Variants in MIGA2 observed in about 807,000 individuals in gnomAD.
MIGA2 encodes family with sequence similarity 73, member B.
In MIGA2, 36 loss-of-function variants were observed where a neutral mutation model predicts 69.9. That is an observed-to-expected ratio of 0.52 (90% CI 0.39 to 0.68). The LOEUF (loss-of-function observed/expected upper bound fraction) is 0.68. Ranked by LOEUF, MIGA2 falls within the 30% of genes least tolerant of loss-of-function variation. MIGA2 has a pLI of 0.00. For synonymous variants in MIGA2, 333 were observed against 349.2 expected (o/e 0.95, Z 0.52); for missense variants, 660 against 787.7 (o/e 0.84, Z 1.94).
At chr9:129,039,975 C>A (rs992035405) in intron 1 of MIGA2, 8 of 152,244 alleles carry the variant, frequency 5.3e-5, no homozygotes, top group African/African-American at 1.7e-4. Flanking sequence ...AAACTCCCGA[C>A]CTCAGGTGAT....
Position 129,063,269 on chromosome 9 carries a change from G to A in MIGA2, c.1036G>A (p.Asp346Asn). 1 of 1,614,120 alleles carries A rather than the reference G, an allele frequency of 6.2e-7. No homozygotes were observed. Among genetic ancestry groups the A allele is most frequent in the Non-Finnish European group, 8.5e-7 (1 of 1,180,018 alleles). ...LRTELLGCYS[D>N]QDFLAKLHCV... ...GACGGAGCTGCTGGGCTGCTACAGT[G>A]ACCAGGACTTTCTGGCCAAGCTGCA... Residue 346 changes from aspartate (D) to asparagine (N), a missense_variant, in exon 10 of 16, where the codon GAC (aspartate) becomes AAC (asparagine). This residue lies in a region of MIGA2 where 386 missense variants were observed against 402.0 expected (regional missense o/e 0.96). Coordinates refer to ENST00000684074, the MANE Select transcript of MIGA2 (RefSeq NM_001329990.2).
intron 1 of MIGA2, among the ~76,000 whole-genome samples, chr9:129,038,633 C>A (rs1046640688): frequency 3.9e-5 from 6 of 152,110 alleles, no homozygotes; most frequent in African/African-American, 1.4e-4. Context: ...AAGCATTGTA[C>A]TGAGCACAAA....
At position 129,067,762 on chromosome 9, in the gene MIGA2, T is replaced by G. The variant is rs1006798871; in HGVS notation, c.1171-11T>G. On this transcript the variant is annotated splice_polypyrimidine_tract_variant and intron_variant, in intron 11 of 15. Transcript: ENST00000684074. Reference sequence around the variant, plus strand: ...TCCAGTGACCAGGATGGGCCGTGCTTCTCTCCACAGAGCCCCAAAGGCTTC... The same window carrying G: ...TCCAGTGACCAGGATGGGCCGTGCTGCTCTCCACAGAGCCCCAAAGGCTTC... The G allele has an allele frequency of 1.4e-5, 22 of 1,605,870 alleles. No individual in the cohort carries two copies. Among genetic ancestry groups the G allele is most frequent in the Middle Eastern group, 1.7e-4 (1 of 6,044 alleles).
chr9:129,042,839 G>A (rs981297918), intron 3 of MIGA2, among the ~76,000 whole-genome samples: 2 of 152,190 alleles, frequency 1.3e-5, no homozygotes, highest in African/African-American at 4.8e-5. Flanking sequence ...AGGCTGAGGA[G>A]CAGGAAGAGC....
chr9:129,040,277 G>A (rs1292388451), intron 1 of MIGA2, among the ~76,000 whole-genome samples, 175 bp from the exon 2 acceptor site: 1 of 152,226 alleles, frequency 6.6e-6, no homozygotes, highest in Non-Finnish European at 1.5e-5. Flanking sequence ...GGGTCTGTGG[G>A]TGTGGGGCTG....
rs376692910 is a variant in MIGA2, at chr9:129,042,413, G to A, written c.206G>A (p.Arg69Gln). ...GCTGCCCACCAGCTGAAGAGGCGACGGAGGAGGAAGAAGCAGGTTGGTCCC... is the reference window on the plus strand; with the variant it reads ...GCTGCCCACCAGCTGAAGAGGCGACAGAGGAGGAAGAAGCAGGTTGGTCCC... ...ALAAHQLKRR[R>Q]RRKKQVGPEM... Residue 69 changes from arginine (R) to glutamine (Q), a missense_variant, in exon 3 of 16, where the codon CGG (arginine) becomes CAG (glutamine). This residue lies in a region of MIGA2 where 386 missense variants were observed against 402.0 expected (regional missense o/e 0.96). Coordinates refer to ENST00000684074, the MANE Select transcript of MIGA2 (RefSeq NM_001329990.2). 6.8e-6 allele frequency: 11 copies of A among 1,613,468 alleles called. No individual in the cohort carries two copies. Among genetic ancestry groups the A allele is most frequent in the South Asian group, 5.5e-5 (5 of 90,998 alleles).
At position 129,059,757 on chromosome 9, in the gene MIGA2, G is replaced by C. The variant is rs1484791595; in HGVS notation, c.793+486G>C. ...CAAGTTATTCTGCCAAACAGCCACT[G>C]TCCTCTTCGGACCCCTGCAGTGAAT... On this transcript the variant is annotated intron_variant, in intron 7 of 15. Transcript: ENST00000684074. The surrounding 1 kb of genome is among the most constrained non-coding windows in gnomAD (Gnocchi z 5.6). Among the ~76,000 whole-genome samples the C allele has an allele frequency of 6.6e-6, 1 of 152,180 alleles. No individual in the cohort carries two copies. Among genetic ancestry groups the C allele is most frequent in the African/African-American group, 2.4e-5 (1 of 41,450 alleles).
chr9:129,068,627 G>A lies in MIGA2; in HGVS notation c.1404+295G>A, dbSNP rs2131398311. On this transcript the variant is annotated intron_variant, in intron 13 of 15. Coordinates refer to ENST00000684074, the MANE Select transcript of MIGA2 (RefSeq NM_001329990.2). The surrounding 1 kb of genome is among the most constrained non-coding windows in gnomAD (Gnocchi z 4.1). ...ATTTTAATGCATCCTGTTAAATCAA[G>A]TTAAAAGAGGGGAAAGCAAAACCAA... is the stretch of plus-strand genomic sequence containing the variant. The A allele has an allele frequency of 4.5e-6, 2 of 443,440 alleles. No individual in the cohort carries two copies. Among genetic ancestry groups the A allele is most frequent in the South Asian group, 3.2e-5 (1 of 31,272 alleles). 27.5% of individuals were successfully genotyped at this position (443,440 alleles called of 1,614,324 possible).
chr9:129,046,001 G>A (rs143490423), intron 3 of MIGA2, among the ~76,000 whole-genome samples: 4,630 of 151,890 alleles, frequency 0.03, 208 homozygotes, highest in African/African-American at 0.1. Context: ...CTACAGGTGC[G>A]TGCCACCACG....
At position 129,068,008 on chromosome 9, in the gene MIGA2, C is replaced by G. The variant is rs1846454826; in HGVS notation, c.1269+137C>G. 1.6e-6 allele frequency: 2 copies of G among 1,279,406 alleles called. No homozygotes were observed. The highest frequency in any genetic ancestry group is 2.2e-6 in the Non-Finnish European group (2 of 906,226). The allele number at this position is 1,279,406 out of a possible 1,614,324, so 79.3% of individuals were successfully genotyped here. On this transcript the variant is annotated intron_variant, in intron 12 of 15. Coordinates refer to ENST00000684074, the MANE Select transcript of MIGA2 (RefSeq NM_001329990.2). This position sits in a 1 kb window ranked among gnomAD's most constrained non-coding sequence, Gnocchi z 4.1. The stretch of plus-strand genomic sequence containing the variant: ...CACTGCTCATAGTCCCCGGTTCCTG[C>G]CCTGCCCCAGGCCAAGGCAGAGGGA...
At chr9:129,053,523 C>T (rs751946526) in intron 6 of MIGA2, among the ~76,000 whole-genome samples, 1 of 152,006 alleles carries the variant, frequency 6.6e-6, no homozygotes, top group African/African-American at 2.4e-5. Context: ...GTCACCACGC[C>T]CGGCTAATTT....
intron 2 of MIGA2, 68 bp downstream of exon 2, chr9:129,040,758 G>A (rs1259653161): frequency 7.7e-6 from 11 of 1,433,360 alleles, no homozygotes; most frequent in South Asian, 4.9e-5. Flanking sequence ...GGGCTCCTCC[G>A]TGTCCAGGAA....
rs1168512447 is a variant in MIGA2 at position 129,048,288 on chromosome 9, G to T, written c.308-139G>T. On this transcript the variant is annotated intron_variant, in intron 3 of 15. Transcript: ENST00000684074. Reference sequence around the variant, plus strand: ...TTTCTCCTGAGTGCACGCCCTTGGGGCCCCTCTGTTCCCCTGACTTAGAAG... The same window carrying T: ...TTTCTCCTGAGTGCACGCCCTTGGGTCCCCTCTGTTCCCCTGACTTAGAAG... 10 of 736,524 alleles carry T rather than the reference G, an allele frequency of 1.4e-5. No homozygotes were observed. In the South Asian group the frequency reaches 1.6e-4, roughly 12 times the overall value. The allele number at this position is 736,524 out of a possible 1,614,324, so 45.6% of individuals were successfully genotyped here.
chr9:129,068,325 A>G lies in MIGA2; in HGVS notation c.1397A>G (p.Lys466Arg), dbSNP rs1012844301. The change falls in exon 13 of 16, where the codon AAG becomes AGG. Residue 466 changes from lysine (K) to arginine (R), a missense_variant. Coordinates refer to ENST00000684074, the MANE Select transcript of MIGA2 (RefSeq NM_001329990.2). This position sits in a 1 kb window ranked among gnomAD's most constrained non-coding sequence, Gnocchi z 4.1. ...LRNRWLSDSF[K>R]ETALATACWS... ...AACCGCTGGCTGTCAGACAGCTTCA[A>G]GGAGACGGTGGGTCACTGCCCTGCT... The G allele has an allele frequency of 2.5e-6, 4 of 1,604,724 alleles. No homozygotes were observed. The African/African-American group carries it at 4.0e-5, about 16-fold the overall frequency.
Position 129,060,139 on chromosome 9 carries a change from T to C in MIGA2, c.794-411T>C, listed in dbSNP as rs1190480586. Among the ~76,000 whole-genome samples the C allele has an allele frequency of 6.6e-6, 1 of 152,176 alleles. No homozygotes were observed. Among genetic ancestry groups the C allele is most frequent in the Non-Finnish European group, 1.5e-5 (1 of 68,028 alleles). On this transcript the variant is annotated intron_variant, in intron 7 of 15. Coordinates refer to ENST00000684074, the MANE Select transcript of MIGA2 (RefSeq NM_001329990.2). This position sits in a 1 kb window ranked among gnomAD's most constrained non-coding sequence, Gnocchi z 4.8. ...TCCAGGTTAGTGGCTGTGGACTCTT[T>C]CGAGCCCTTGGTATCAATGGCTGAG...
intron 1 of MIGA2, among the ~76,000 whole-genome samples, chr9:129,038,563 G>T (rs1844719122): frequency 6.6e-6 from 1 of 152,120 alleles, no homozygotes; most frequent in South Asian, 2.1e-4. Flanking sequence ...GGGGAAAGCT[G>T]CCCAGTACTC....
intron 2 of MIGA2, 79 bp from the exon 3 acceptor site, chr9:129,042,225 T>G: frequency 3.5e-6 from 5 of 1,416,922 alleles, no homozygotes; most frequent in Non-Finnish European, 4.9e-6. Flanking sequence ...GTCCCGTCCC[T>G]GAGGTGCTCT....
intron 6 of MIGA2, among the ~76,000 whole-genome samples, chr9:129,051,787 CG>C (rs1348176027): frequency 6.7e-6 from 1 of 148,376 alleles, no homozygotes; most frequent in Non-Finnish European, 1.5e-5. Flanking sequence ...TTAGTAGAGA[CG>C]GGGTTTCACC....
chr9:129,063,689 C>T, intron 11 of MIGA2, 58 bp downstream of exon 11: 1 of 1,568,086 alleles, frequency 6.4e-7, no homozygotes, highest in Non-Finnish European at 8.7e-7. Flanking sequence ...GAGGGTCCCC[C>T]TGAACCCCAC....
Sources: allele counts gnomAD v4.1 joint callset (sites outside exome capture counted in the v4.1 genomes callset), GRCh38; gene constraint gnomAD v4.1.1; regional missense constraint gnomAD v4.1.1; non-coding constraint Gnocchi (gnomAD v3.1); transcripts MANE v1.5; gene names NCBI Gene and HGNC (gene_info 2026-07-23, HGNC 2026-07-21).